The following BRD9 variants were observed in gnomAD, a reference collection of about 807,000 sequenced individuals.
The protein encoded by BRD9 is bromodomain containing 9, also known as bromodomain-containing protein 9.
BRD9 carries 47 observed loss-of-function variants against 68.7 expected under a neutral mutation model. The observed-to-expected ratio is 0.68, with a 90% CI of 0.54 to 0.87. BRD9 has a LOEUF of 0.87. Among genes scored for constraint, BRD9 ranks in the 40% least tolerant of loss-of-function variants. The pLI, the probability that BRD9 is intolerant of heterozygous loss-of-function variation, is 0.00. For synonymous variants in BRD9, 313 were observed against 293.9 expected (o/e 1.06, Z -0.67); for missense variants, 670 against 748.4 (o/e 0.90, Z 1.22).
chr5:889,562 G>A (rs775668396), intron 4 of BRD9, 25 bp downstream of exon 4: 2 of 1,612,332 alleles, frequency 1.2e-6, no homozygotes, highest in Non-Finnish European at 8.5e-7. Flanking sequence ...CCAGACACTA[G>A]CTCTTCAGAA....
At position 889,036 on chromosome 5, in the gene BRD9, T is replaced by C. The variant is rs1434249240; in HGVS notation, c.591A>G (p.Ser197=). 1.9e-6 allele frequency: 3 copies of C among 1,605,866 alleles called. No individual in the cohort carries two copies. Among genetic ancestry groups the C allele is most frequent in the African/African-American group, 1.3e-5 (1 of 74,610 alleles). ...KDKIVANEYK[S]VTEFKADFKL... is the part of the protein sequence containing the mutation. ...AGTAACTTACCTTAAATTCCGTAAC[T>C]GACTTGTATTCATTAGCTACAATTT... Residue 197 remains serine (S), a synonymous_variant, in exon 5 of 16, where the codon TCA becomes TCG. Coordinates refer to ENST00000467963, the MANE Select transcript of BRD9 (RefSeq NM_023924.5).
Position 891,827 on chromosome 5 carries a change from G to T in BRD9, c.80C>A (p.Pro27His). ...EDYADKPLEK[P>H]LKLVLKVGGS... is the part of the protein sequence containing the mutation. ...TCCGACCTTCAGGACTAGCTTTAGAGGCTTCTCCAGGGGCTTGTCGGCATA... is the reference window on the plus strand; with the variant it reads ...TCCGACCTTCAGGACTAGCTTTAGATGCTTCTCCAGGGGCTTGTCGGCATA... Residue 27 changes from proline to histidine, a missense_variant, in exon 2 of 16, where the codon CCT becomes CAT. Physicochemically the swap from Pro to His is moderately conservative, Grantham distance 77. Around this residue, in one of 5 missense-constraint regions of BRD9, gnomAD observed 161 missense variants for 148.1 expected, o/e 1.09. Transcript: ENST00000467963. 6.4e-7 allele frequency: 1 copy of T among 1,551,578 alleles called. No individual in the cohort carries two copies. Among genetic ancestry groups the T allele is most frequent in the Non-Finnish European group, 8.7e-7 (1 of 1,146,994 alleles).
In BRD9 at chr5:892,760, G is replaced by C; in HGVS notation, c.-103C>G. On this transcript the variant is annotated 5_prime_UTR_variant, in exon 1 of 16. Transcript: ENST00000467963. ...TGGCCCTGGCTGGCCGCCCGCGCTC[G>C]CTGCGCCGAGGTTGCCGAGCTCGCT... is the stretch of plus-strand genomic sequence containing the variant. 1 of 1,155,624 alleles carries C rather than the reference G, an allele frequency of 8.7e-7. No homozygotes were observed. The highest frequency in any genetic ancestry group is 1.1e-6 in the Non-Finnish European group (1 of 920,198). The allele number at this position is 1,155,624 out of a possible 1,614,324, so 71.6% of individuals were successfully genotyped here.
At chr5:890,311 C>T (rs547444913) in intron 3 of BRD9, among the ~76,000 whole-genome samples, 3 of 152,174 alleles carry the variant, frequency 2.0e-5, no homozygotes, top group Admixed American at 6.5e-5. Context: ...CAGTTTCTGA[C>T]GGCCTGAATG....
chr5:891,288 C>A lies in BRD9; in HGVS notation c.268-1G>T, dbSNP rs1209637312. 6.4e-7 allele frequency: 1 copy of A among 1,551,160 alleles called. No homozygotes were observed. Among genetic ancestry groups the A allele is most frequent in the Non-Finnish European group, 8.7e-7 (1 of 1,146,650 alleles). ...TCTCTCGCTTCCGCTTCTTCTCTTC[C>A]TGGGCGGCAGAGTCAAGGGAGTGAG... On this transcript the variant is annotated splice_acceptor_variant, in intron 2 of 15. Transcript: ENST00000467963. LOFTEE classifies it high-confidence loss of function.
rs1188150340 is a variant in BRD9, at chr5:876,211, G to A, written c.1273C>T (p.Leu425=). 1.2e-6 allele frequency: 2 copies of A among 1,612,544 alleles called. No homozygotes were observed. Among genetic ancestry groups the A allele is most frequent in the Non-Finnish European group, 8.5e-7 (1 of 1,178,900 alleles). The part of the protein sequence containing the change: ...DETGVQCALS[L]QEFVKDAGSY... ...CCAGCATCCTTCACAAACTCCTGCAGGCTAGAGGGGCCGCGGGAGAAGGTA... is the reference window on the plus strand; with the variant it reads ...CCAGCATCCTTCACAAACTCCTGCAAGCTAGAGGGGCCGCGGGAGAAGGTA... The change falls in exon 12 of 16, where the codon CTG becomes TTG. Residue 425 remains leucine (L), a splice_region_variant and synonymous_variant. Transcript: ENST00000467963.
At chr5:887,592 G>T (rs1752753234) in intron 5 of BRD9, 121 bp from the exon 6 acceptor site, 1 of 765,334 alleles carries the variant, frequency 1.3e-6, no homozygotes, top group East Asian at 2.5e-5. Flanking sequence ...CAATTCAACT[G>T]GGCTCTCTGA....
chr5:878,214 C>A, intron 11 of BRD9, 141 bp downstream of exon 11: 2 of 1,250,436 alleles, frequency 1.6e-6, no homozygotes, highest in Non-Finnish European at 2.2e-6. Flanking sequence ...TGACTGAAAG[C>A]AACGGGAAGA....
At chr5:883,477 TG>T (rs1752098062) in intron 8 of BRD9, 1 of 455,822 alleles carries the variant, frequency 2.2e-6, no homozygotes, top group African/African-American at 2.0e-5. Context: ...CGTGGTCAGC[TG>T]AGTGGGCCCC....
In BRD9 at chr5:892,692, G is replaced by A. The variant is rs983629087; in HGVS notation, c.-35C>T. ...GGCGGCGGGCCCGAGGCGGGGGCTG[G>A]GAACAGCTGGCACCCGGTCGGACCT... On this transcript the variant is annotated 5_prime_UTR_variant, in exon 1 of 16. Transcript: ENST00000467963. The A allele has an allele frequency of 4.9e-5, 68 of 1,377,610 alleles. No homozygotes were observed. The highest frequency in any genetic ancestry group is 1.0e-4 in the South Asian group (6 of 57,790). The allele number at this position is 1,377,610 out of a possible 1,614,324, so 85.3% of individuals were successfully genotyped here.
At chr5:889,413 GC>G (rs1336404530) in intron 4 of BRD9, among the ~76,000 whole-genome samples, 173 bp downstream of exon 4, 3 of 152,144 alleles carry the variant, frequency 2.0e-5, no homozygotes, top group African/African-American at 7.2e-5. Flanking sequence ...TTCAGAGTGA[GC>G]CACTAATGAG....
intron 14 of BRD9, among the ~76,000 whole-genome samples, chr5:866,962 A>G (rs968589496): frequency 6.6e-6 from 1 of 152,254 alleles, no homozygotes; most frequent in Non-Finnish European, 1.5e-5. Flanking sequence ...AGTAAAGAGG[A>G]GCCAAATGTT....
intron 3 of BRD9, 25 bp from the exon 4 acceptor site, chr5:889,672 T>C (rs1476437974): frequency 1.2e-6 from 2 of 1,609,874 alleles, no homozygotes; most frequent in African/African-American, 1.3e-5. Flanking sequence ...AAAAAAAAAT[T>C]GAATACAAGA....
At chr5:876,038 C>T (rs1750862536) in intron 12 of BRD9, 63 bp downstream of exon 12, 5 of 1,176,066 alleles carry the variant, frequency 4.3e-6, no homozygotes, top group Non-Finnish European at 6.2e-6. Flanking sequence ...AGGCTGCAGG[C>T]TCTTCCCGCC....
chr5:871,071 G>T (rs1463706411), intron 13 of BRD9, among the ~76,000 whole-genome samples: 1 of 152,208 alleles, frequency 6.6e-6, no homozygotes, highest in Non-Finnish European at 1.5e-5. Flanking sequence ...CAGGTTCCCA[G>T]GGACCCTGGA....
intron 1 of BRD9, chr5:892,162 C>A (rs994461626): frequency 1.8e-5 from 8 of 433,278 alleles, no homozygotes; most frequent in African/African-American, 1.6e-4. Context: ...CCCCGGAGCC[C>A]GATCTCCCTC....
At position 892,757 on chromosome 5, in the gene BRD9, C is replaced by G. The variant is rs1386056109; in HGVS notation, c.-100G>C. 6.9e-6 allele frequency: 8 copies of G among 1,165,702 alleles called. No homozygotes were observed. The Admixed American group carries it at 3.5e-4, about 51-fold the overall frequency. 72.2% of individuals were successfully genotyped at this position (1,165,702 alleles called of 1,614,324 possible). On this transcript the variant is annotated 5_prime_UTR_variant, in exon 1 of 16. Coordinates refer to ENST00000467963, the MANE Select transcript of BRD9 (RefSeq NM_023924.5). The stretch of plus-strand genomic sequence containing the variant: ...CCCTGGCCCTGGCTGGCCGCCCGCG[C>G]TCGCTGCGCCGAGGTTGCCGAGCTC...
chr5:886,771 G>C, intron 6 of BRD9, 64 bp from the exon 7 acceptor site: 2 of 1,610,778 alleles, frequency 1.2e-6, no homozygotes, highest in African/African-American at 2.7e-5. Context: ...GCCGCTCCTA[G>C]AATCAGAAAG....
At chr5:883,152 C>T in intron 8 of BRD9, 1 of 369,030 alleles carries the variant, frequency 2.7e-6, no homozygotes, top group South Asian at 2.1e-5. Flanking sequence ...TGCAACTTCC[C>T]AGCAGGCACA....
Sources: gnomAD v4.1 joint callset for allele counts (sites outside exome capture counted in the v4.1 genomes callset) on GRCh38, gnomAD v4.1.1 for gene constraint, gnomAD v4.1.1 regional missense constraint, MANE v1.5 for transcripts, NCBI Gene and HGNC (gene_info 2026-07-23, HGNC 2026-07-21) for gene names.